ASB4: variants seen among roughly 807,000 people sequenced by gnomAD.
ASB4 encodes the protein ankyrin repeat and SOCS box containing 4, also known as ankyrin repeat and SOCS box protein 4.
A neutral mutation model predicts 38.6 loss-of-function variants in ASB4; 35 were observed. The ratio of observed to expected loss-of-function variants is 0.91; its 90% CI spans 0.69 to 1.20. ASB4 has a LOEUF of 1.20. Among genes scored for constraint, ASB4 ranks in the 50% most tolerant of loss-of-function variants. ASB4 has a pLI of 0.00. For missense variants in ASB4, 557 were observed against 527.2 expected (o/e 1.06, Z -0.55); for synonymous variants, 195 against 201.3 (o/e 0.97, Z 0.26).
chr7:95,519,555 T>A (rs1310299043), intron 2 of ASB4, among the ~76,000 whole-genome samples: 2 of 152,186 alleles, frequency 1.3e-5, no homozygotes, highest in African/African-American at 2.4e-5. Context: ...GTCAAGGTGA[T>A]GAGAGCAAGT....
At chr7:95,515,363 CTTTT>C (rs1790567501) in intron 2 of ASB4, among the ~76,000 whole-genome samples, 8 of 90,306 alleles carry the variant, frequency 8.9e-5, no homozygotes, top group South Asian at 3.4e-4. Flanking sequence ...TTCTTTCTTT[CTTTT>C]CTTTCTTTCT....
rs748348441 is a variant in ASB4, at chr7:95,537,768, A to G, written c.*9A>G. On this transcript the variant is annotated 3_prime_UTR_variant, in exon 5 of 5. Transcript: ENST00000325885. ...AGGGAATTATTTATTAAGCCTTATG[A>G]GACAGCAGTTCCCAATCCTAGGTAT... 6.2e-7 allele frequency: 1 copy of G among 1,610,150 alleles called. No individual in the cohort carries two copies. Among genetic ancestry groups the G allele is most frequent in the Non-Finnish European group, 8.5e-7 (1 of 1,177,352 alleles).
At chr7:95,478,144 C>T (rs1473024571), upstream of ASB4, among the ~76,000 whole-genome samples, 1 of 152,064 alleles carries the variant, frequency 6.6e-6, no homozygotes, top group African/African-American at 2.4e-5. Context: ...CTTACTGCAC[C>T]TCTGCATCAT....
intron 1 of ASB4, chr7:95,478,662 A>G (rs967322450): frequency 1.3e-5 from 2 of 152,170 alleles, no homozygotes; most frequent in Non-Finnish European, 2.9e-5. Context: ...GTTCGCTGAT[A>G]TGGGATCCAA....
In ASB4 at chr7:95,536,561, G is replaced by T; in HGVS notation, c.1092+11G>T. ...GATGATGACTTGGAGGTAAATAATC[G>T]ATTCCCTTCTAATAGTTTTCACTAT... On this transcript the variant is annotated intron_variant, in intron 4 of 4. Coordinates refer to ENST00000325885, the MANE Select transcript of ASB4 (RefSeq NM_016116.3). The T allele has an allele frequency of 1.9e-6, 3 of 1,560,304 alleles. No homozygotes were observed. The highest frequency in any genetic ancestry group is 2.2e-5 in the East Asian group (1 of 44,518).
chr7:95,533,883 G>A (rs62467697), intron 3 of ASB4, among the ~76,000 whole-genome samples: 18,900 of 152,004 alleles, frequency 0.12, 1,258 homozygotes, highest in South Asian at 0.14. Context: ...TTCCTCTCTC[G>A]TGCCTATTAG....
chr7:95,495,899 C>T lies in ASB4; in HGVS notation c.329C>T (p.Pro110Leu). The change falls in exon 2 of 5, where the codon CCT becomes CTT. Residue 110 changes from proline (P) to leucine (L), a missense_variant. Physicochemically the swap from Pro to Leu is moderately conservative, Grantham distance 98. Transcript: ENST00000325885. ...TINCRPNGKTPLHVACEMANV... is the reference protein window; with the variant it reads ...TINCRPNGKTLLHVACEMANV... ...AACTGTAGACCCAATGGGAAAACCC[C>T]TCTTCACGTGGCTTGTGAAATGGCC... 6.2e-7 allele frequency: 1 copy of T among 1,614,148 alleles called. No homozygotes were observed. Among genetic ancestry groups the T allele is most frequent in the East Asian group, 2.2e-5 (1 of 44,880 alleles).
chr7:95,515,301 CTTT>C (rs1790560778), intron 2 of ASB4, among the ~76,000 whole-genome samples: 4 of 122,356 alleles, frequency 3.3e-5, no homozygotes, highest in South Asian at 2.9e-4. Flanking sequence ...TTCTTTCTTT[CTTT>C]CTTTCTTTCT....
At chr7:95,537,369 T>A (rs954573925) in intron 4 of ASB4, among the ~76,000 whole-genome samples, 6 of 152,196 alleles carry the variant, frequency 3.9e-5, no homozygotes, top group African/African-American at 1.4e-4. Context: ...TTCTGAATTG[T>A]AGAATGTTAT....
the ASB4 span, among the ~76,000 whole-genome samples, chr7:95,549,263 C>T: frequency 0.1 from 14,860 of 149,012 alleles, 919 homozygotes; most frequent in Non-Finnish European, 0.13. Flanking sequence ...GGAGGAATTT[C>T]ACTAGATTCC....
intron 2 of ASB4, among the ~76,000 whole-genome samples, chr7:95,504,988 G>A (rs1790388096): frequency 6.6e-6 from 1 of 152,208 alleles, no homozygotes; most frequent in Non-Finnish European, 1.5e-5. Context: ...ACCTTAAGCA[G>A]TGCTTTCAAG....
upstream of ASB4, among the ~76,000 whole-genome samples, chr7:95,478,037 C>G (rs1055032412): frequency 3.3e-5 from 5 of 152,100 alleles, no homozygotes; most frequent in Non-Finnish European, 7.3e-5. Flanking sequence ...AATTGGTAAA[C>G]AACTTATTGG....
intron 3 of ASB4, chr7:95,528,927 G>A (rs1333930471): frequency 6.2e-6 from 1 of 161,238 alleles, no homozygotes; most frequent in African/African-American, 2.4e-5. Context: ...CAGTGCCAGT[G>A]CCAGGATTCA....
downstream of ASB4, chr7:95,542,320 C>G (rs1207718269): frequency 1.3e-5 from 2 of 152,102 alleles, no homozygotes; most frequent in Non-Finnish European, 2.9e-5. Flanking sequence ...TTTTCAAAAC[C>G]TACATTTCAG....
intron 2 of ASB4, among the ~76,000 whole-genome samples, chr7:95,525,029 C>T (rs1477897084): frequency 6.6e-6 from 1 of 152,174 alleles, no homozygotes; most frequent in African/African-American, 2.4e-5. Context: ...CCTAAATTAA[C>T]CTGGTCATGT....
the ASB4 span, among the ~76,000 whole-genome samples, chr7:95,548,678 G>T: frequency 2.6e-5 from 4 of 152,144 alleles, no homozygotes; most frequent in Non-Finnish European, 5.9e-5. Flanking sequence ...TATCAAAATT[G>T]CTGCTGAAAT....
chr7:95,535,861 T>C (rs1420939039), intron 3 of ASB4, among the ~76,000 whole-genome samples: 1 of 152,204 alleles, frequency 6.6e-6, no homozygotes, highest in Non-Finnish European at 1.5e-5. Flanking sequence ...AACTTGCATG[T>C]TACTCTGTAG....
chr7:95,520,802 G>A (rs1790651920), intron 2 of ASB4, among the ~76,000 whole-genome samples: 2 of 152,022 alleles, frequency 1.3e-5, no homozygotes, highest in African/African-American at 2.4e-5. Context: ...TAGGCTTTAC[G>A]TTCTATTTCA....
exon 1 of ASB4, chr7:95,478,590 A>T (rs1789998020): frequency 1.3e-5 from 2 of 152,166 alleles, no homozygotes; most frequent in South Asian, 4.1e-4. Context: ...GATTCTCCGG[A>T]AACACTCAGG....
Sources: gnomAD v4.1 joint callset for allele counts (sites outside exome capture counted in the v4.1 genomes callset) on GRCh38, gnomAD v4.1.1 for gene constraint, MANE v1.5 for transcripts, NCBI Gene and HGNC (gene_info 2026-07-23, HGNC 2026-07-21) for gene names.